The following ZNF804B variants were observed in gnomAD, a reference collection of about 807,000 sequenced individuals.
ZNF804B encodes the protein zinc finger protein 804B.
Under a neutral mutation model 101.4 loss-of-function variants are expected in ZNF804B, and 80 were observed. That is an observed-to-expected ratio of 0.79 (90% CI 0.66 to 0.95). The LOEUF (loss-of-function observed/expected upper bound fraction) is 0.95. ZNF804B is among the 40% of genes least tolerant of loss of function. The pLI is 0.00. For synonymous variants in ZNF804B, 622 were observed against 558.8 expected, an observed-to-expected ratio of 1.11 and a Z score of -1.59; for missense variants, 1,673 against 1,561.9, an observed-to-expected ratio of 1.07 and a Z score of -1.20.
intron 1 of ZNF804B, among the ~76,000 whole-genome samples, chr7:89,056,207 G>C (rs1407271170): frequency 6.6e-6 from 1 of 152,012 alleles, no homozygotes; most frequent in East Asian, 1.9e-4. Flanking sequence ...AACTTTCAAG[G>C]ATGTAAACAC....
At chr7:88,865,646 T>A (rs926293632) in intron 1 of ZNF804B, among the ~76,000 whole-genome samples, 2 of 152,202 alleles carry the variant, frequency 1.3e-5, no homozygotes, top group Admixed American at 1.3e-4. Flanking sequence ...CTCTCCTTTC[T>A]ACCAAAACTT....
intron 1 of ZNF804B, among the ~76,000 whole-genome samples, chr7:89,006,641 T>G (rs1340133485): frequency 6.6e-6 from 1 of 152,104 alleles, no homozygotes; most frequent in Non-Finnish European, 1.5e-5. Context: ...ATTAAAGTTT[T>G]TAAAGCTACT....
At chr7:88,926,509 G>A (rs561768469) in intron 1 of ZNF804B, among the ~76,000 whole-genome samples, 1 of 152,078 alleles carries the variant, frequency 6.6e-6, no homozygotes, top group African/African-American at 2.4e-5. Flanking sequence ...GTGGGCTGAG[G>A]TGGGAGAATT....
chr7:88,988,009 A>G (rs1422202968), intron 1 of ZNF804B, among the ~76,000 whole-genome samples: 1 of 151,910 alleles, frequency 6.6e-6, no homozygotes, highest in Non-Finnish European at 1.5e-5. Context: ...AATAACCATT[A>G]TTCTACTCTC....
intron 1 of ZNF804B, among the ~76,000 whole-genome samples, chr7:88,958,929 C>T (rs1410804828): frequency 1.3e-5 from 2 of 151,480 alleles, no homozygotes. Context: ...ATAATTCCAA[C>T]TAAATCTCCG....
chr7:89,081,794 C>G (rs1164520089), intron 1 of ZNF804B, among the ~76,000 whole-genome samples: 1 of 151,666 alleles, frequency 6.6e-6, no homozygotes, highest in East Asian at 1.9e-4. Flanking sequence ...TGTTATAGAT[C>G]ATGTTGTCAA....
intron 1 of ZNF804B, among the ~76,000 whole-genome samples, chr7:89,070,503 G>A (rs1789519865): frequency 6.6e-6 from 1 of 152,164 alleles, no homozygotes; most frequent in Non-Finnish European, 1.5e-5. Flanking sequence ...GCTGCTGTCT[G>A]CTAATACCAT....
chr7:89,011,883 G>A (rs992687022), intron 1 of ZNF804B, among the ~76,000 whole-genome samples: 15 of 152,120 alleles, frequency 9.9e-5, no homozygotes, highest in Admixed American at 7.2e-4. Context: ...TCTTCGCACA[G>A]CTCCACTCAG....
At chr7:88,905,763 A>G (rs1792460171) in intron 1 of ZNF804B, among the ~76,000 whole-genome samples, 1 of 152,026 alleles carries the variant, frequency 6.6e-6, no homozygotes, top group African/African-American at 2.4e-5. Context: ...TTGGTATTGG[A>G]TGCTGGCTTC....
chr7:89,153,410 T>G (rs2116408281), intron 1 of ZNF804B, among the ~76,000 whole-genome samples: 1 of 133,032 alleles, frequency 7.5e-6, no homozygotes. Context: ...TTAACACTAC[T>G]ACTAATGATG....
chr7:88,886,770 T>C (rs1368192003), intron 1 of ZNF804B, among the ~76,000 whole-genome samples: 1 of 151,674 alleles, frequency 6.6e-6, no homozygotes, highest in Non-Finnish European at 1.5e-5. Context: ...AAAAAACTAA[T>C]TTCTGAAAGA....
rs141216936 is a variant in ZNF804B at position 88,927,376 on chromosome 7, G to A, written c.108+167292G>A. ...CACTTGAAATAGCAAACAATATTGT[G>A]GTTTGATCTGAGAGGCATTTTTATC... On this transcript the variant is annotated intron_variant, in intron 1 of 3. Coordinates refer to ENST00000333190, the MANE Select transcript of ZNF804B (RefSeq NM_181646.5). Among the ~76,000 whole-genome samples, 246 of 152,204 alleles carry A rather than the reference G, an allele frequency of 1.6e-3. 1 individual carries two copies. The highest frequency in any genetic ancestry group is 2.9e-3 in the South Asian group (14 of 4,816).
intron 1 of ZNF804B, among the ~76,000 whole-genome samples, chr7:89,124,515 C>T (rs17166900): frequency 0.095 from 14,398 of 152,128 alleles, 1,451 homozygotes; most frequent in African/African-American, 0.26. Flanking sequence ...GTGTTCAGCA[C>T]TTCAGGTATG....
chr7:88,999,165 T>C (rs1788247661), intron 1 of ZNF804B, among the ~76,000 whole-genome samples: 1 of 152,100 alleles, frequency 6.6e-6, no homozygotes, highest in Non-Finnish European at 1.5e-5. Flanking sequence ...GGTGATGTTT[T>C]AGAGACTGTC....
chr7:88,858,429 A>G (rs928507463), intron 1 of ZNF804B, among the ~76,000 whole-genome samples: 1 of 152,198 alleles, frequency 6.6e-6, no homozygotes, highest in Non-Finnish European at 1.5e-5. Context: ...TGGGGTGATG[A>G]TTCTTTGTTT....
intron 2 of ZNF804B, among the ~76,000 whole-genome samples, chr7:89,323,342 C>T (rs1356919862): frequency 2.0e-5 from 3 of 152,118 alleles, no homozygotes; most frequent in African/African-American, 7.2e-5. Flanking sequence ...TAATACAGAC[C>T]AATATCACAC....
At chr7:89,291,748 T>C (rs1430811475) in intron 2 of ZNF804B, among the ~76,000 whole-genome samples, 1 of 152,040 alleles carries the variant, frequency 6.6e-6, no homozygotes. Context: ...TTCCTAATCC[T>C]AGAGAAAGAT....
intron 1 of ZNF804B, among the ~76,000 whole-genome samples, chr7:88,995,694 G>T (rs1326470716): frequency 6.6e-6 from 1 of 152,004 alleles, no homozygotes; most frequent in Non-Finnish European, 1.5e-5. Context: ...AAAGAGTGCT[G>T]TATGGAAATG....
intron 1 of ZNF804B, among the ~76,000 whole-genome samples, chr7:89,182,269 A>G (rs1214719360): frequency 6.6e-6 from 1 of 152,222 alleles, no homozygotes; most frequent in Non-Finnish European, 1.5e-5. Context: ...TAAAGCACTT[A>G]TTCCGAAGAC....
Sources: allele counts gnomAD v4.1 joint callset (sites outside exome capture counted in the v4.1 genomes callset), GRCh38; gene constraint gnomAD v4.1.1; transcripts MANE v1.5; gene names NCBI Gene and HGNC (gene_info 2026-07-23, HGNC 2026-07-21).